Variants in AFAP1L1 observed in about 807,000 individuals in gnomAD.
The protein encoded by AFAP1L1 is actin filament-associated protein 1-like 1.
Under a neutral mutation model 99.8 loss-of-function variants are expected in AFAP1L1, and 77 were observed. That is an observed-to-expected ratio of 0.77 (90% CI 0.64 to 0.93). The LOEUF (loss-of-function observed/expected upper bound fraction) is 0.93. Ranked by LOEUF, AFAP1L1 falls within the 40% of genes least tolerant of loss-of-function variation. The probability of loss-of-function intolerance (pLI) is 0.00; values close to 1 mark genes in which losing one functional copy is unlikely to be tolerated. For missense variants in AFAP1L1, 893 were observed against 996.8 expected (o/e 0.90, Z 1.40); for synonymous variants, 373 against 395.3 (o/e 0.94, Z 0.67).
At chr5:149,299,212 C>T (rs352345) in intron 1 of AFAP1L1, among the ~76,000 whole-genome samples, 61,165 of 152,070 alleles carry the variant, frequency 0.4, 14,387 homozygotes, top group East Asian at 0.79. Context: ...AACCTCTGCT[C>T]GGGGCTGCCT....
At chr5:149,300,869 AC>A (rs1199163385) in intron 3 of AFAP1L1, among the ~76,000 whole-genome samples, 4 of 152,230 alleles carry the variant, frequency 2.6e-5, no homozygotes, top group African/African-American at 9.6e-5. Flanking sequence ...TTATAGCATA[AC>A]CCTCAAAGAT....
At chr5:149,307,811 CCTCTCTTTCTCT>C (rs1387355336) in intron 7 of AFAP1L1, among the ~76,000 whole-genome samples, 198 bp downstream of exon 7, 1 of 21,116 alleles carries the variant, frequency 4.7e-5, no homozygotes, top group African/African-American at 1.5e-4. Flanking sequence ...ACACCCTGTG[CCTCTCTTTCTCT>C]CTCTCTCTCT....
At chr5:149,329,204 A>C (rs1757181237) in intron 15 of AFAP1L1, among the ~76,000 whole-genome samples, 1 of 152,212 alleles carries the variant, frequency 6.6e-6, no homozygotes, top group South Asian at 2.1e-4. Context: ...TTTGCCAGGT[A>C]CTATACTAAG....
chr5:149,297,092 A>G (rs1057389202), intron 1 of AFAP1L1, among the ~76,000 whole-genome samples: 1 of 152,226 alleles, frequency 6.6e-6, no homozygotes, highest in African/African-American at 2.4e-5. Flanking sequence ...GACACAGCCA[A>G]GCCATATCAG....
chr5:149,319,734 G>C lies in AFAP1L1; in HGVS notation c.1625+7G>C. The C allele has an allele frequency of 6.2e-7, 1 of 1,611,190 alleles. No individual in the cohort carries two copies. The highest frequency in any genetic ancestry group is 1.1e-5 in the South Asian group (1 of 90,790). Reference sequence around the variant, plus strand: ...CTGGGCGCAACTCCTTCCTGTAAGTGTCAGCTGCACTGGCCACACCTGCCC... The same window carrying C: ...CTGGGCGCAACTCCTTCCTGTAAGTCTCAGCTGCACTGGCCACACCTGCCC... On this transcript the variant is annotated splice_region_variant and intron_variant, in intron 13 of 18. Coordinates refer to ENST00000296721, the MANE Select transcript of AFAP1L1 (RefSeq NM_152406.4).
intron 1 of AFAP1L1, among the ~76,000 whole-genome samples, chr5:149,273,210 G>A (rs1755191940): frequency 6.7e-6 from 1 of 149,458 alleles, no homozygotes; most frequent in Non-Finnish European, 1.5e-5. Flanking sequence ...TGTGCCAACA[G>A]GCGAAGTGTT....
intron 14 of AFAP1L1, among the ~76,000 whole-genome samples, chr5:149,321,643 C>T (rs891208857): frequency 1.4e-5 from 2 of 142,922 alleles, no homozygotes; most frequent in Admixed American, 7.3e-5. Context: ...GCAGGAGGAT[C>T]GCTTGAACCA....
chr5:149,329,798 G>C lies in AFAP1L1; in HGVS notation c.1943G>C (p.Arg648Thr). The C allele has an allele frequency of 1.2e-6, 2 of 1,613,090 alleles. No individual in the cohort carries two copies. The highest frequency in any genetic ancestry group is 1.7e-6 in the Non-Finnish European group (2 of 1,179,564). Reference protein sequence around the residue: ...TELIALRQEKRELKEAIRSSP... With the variant: ...TELIALRQEKTELKEAIRSSP... ...CTGATAGCACTGAGACAGGAGAAGAGGGAACTGAAGGAAGCCATTCGGAGC... is the reference window on the plus strand; with the variant it reads ...CTGATAGCACTGAGACAGGAGAAGACGGAACTGAAGGAAGCCATTCGGAGC... Residue 648 changes from arginine (R) to threonine (T), a missense_variant, in exon 16 of 19, where the codon AGG becomes ACG. Arg to Thr is a moderately conservative substitution (Grantham distance 71). Transcript: ENST00000296721.
At chr5:149,285,089 C>A (rs1433886266) in intron 1 of AFAP1L1, among the ~76,000 whole-genome samples, 1 of 152,130 alleles carries the variant, frequency 6.6e-6, no homozygotes, top group Admixed American at 6.5e-5. Flanking sequence ...GGAATCACCC[C>A]GGGGTCTCCT....
In AFAP1L1 at chr5:149,322,686, C is replaced by A. The variant is rs766528754; in HGVS notation, c.1779C>A (p.Asp593Glu). Residue 593 changes from aspartate (D) to glutamate (E), a missense_variant, in exon 15 of 19, where the codon GAC becomes GAA. Coordinates refer to ENST00000296721, the MANE Select transcript of AFAP1L1 (RefSeq NM_152406.4). Reference sequence around the variant, plus strand: ...GCAGTGAGAAGTCCCATCGTGTGGACCCGCAGGTCAAAGTCAAACGCCACG... The same window carrying A: ...GCAGTGAGAAGTCCCATCGTGTGGAACCGCAGGTCAAAGTCAAACGCCACG... ...SSCSEKSHRV[D>E]PQVKVKRHAS... 43 of 1,591,960 alleles carry A rather than the reference C, an allele frequency of 2.7e-5. No homozygotes were observed. Among genetic ancestry groups the A allele is most frequent in the Non-Finnish European group, 2.1e-5 (25 of 1,168,334 alleles).
intron 15 of AFAP1L1, among the ~76,000 whole-genome samples, chr5:149,326,790 G>A (rs1341414094): frequency 6.6e-6 from 1 of 152,068 alleles, no homozygotes; most frequent in Non-Finnish European, 1.5e-5. Context: ...TGCTTAACAG[G>A]AGATTAGGAA....
intron 1 of AFAP1L1, among the ~76,000 whole-genome samples, chr5:149,277,039 C>T (rs1395074182): frequency 2.0e-5 from 3 of 152,196 alleles, no homozygotes; most frequent in Admixed American, 2.0e-4. Context: ...CTTCTTGGAT[C>T]ACCATCTCTT....
chr5:149,300,448 C>T, intron 3 of AFAP1L1, 94 bp downstream of exon 3: 1 of 1,100,924 alleles, frequency 9.1e-7, no homozygotes, highest in Non-Finnish European at 1.3e-6. Context: ...TTGGCTCTAA[C>T]ATCGCATCAT....
intron 8 of AFAP1L1, among the ~76,000 whole-genome samples, chr5:149,310,569 G>A (rs1275033186): frequency 6.6e-6 from 1 of 152,212 alleles, no homozygotes; most frequent in Non-Finnish European, 1.5e-5. Flanking sequence ...CAGCTACACA[G>A]AACAATGAGA....
intron 1 of AFAP1L1, among the ~76,000 whole-genome samples, chr5:149,293,335 G>A (rs1693906): frequency 0.041 from 6,238 of 152,298 alleles, 170 homozygotes; most frequent in Non-Finnish European, 0.061. Flanking sequence ...AGAGCTGGGA[G>A]GGGAGCCCAA....
intron 1 of AFAP1L1, among the ~76,000 whole-genome samples, chr5:149,289,822 AG>A (rs1755796806): frequency 6.6e-6 from 1 of 152,244 alleles, no homozygotes; most frequent in Admixed American, 6.5e-5. Context: ...GGACACAGAC[AG>A]AAAAAGCATC....
intron 1 of AFAP1L1, among the ~76,000 whole-genome samples, chr5:149,279,585 G>T (rs11954165): frequency 0.075 from 11,460 of 152,240 alleles, 569 homozygotes; most frequent in African/African-American, 0.13. Context: ...TGCAATTAAG[G>T]ACAGTTATTT....
At chr5:149,316,351 G>A (rs1348866255) in intron 11 of AFAP1L1, 48 bp downstream of exon 11, 28 of 1,581,642 alleles carry the variant, frequency 1.8e-5, no homozygotes, top group South Asian at 8.0e-5. Flanking sequence ...CTGTGTGCGC[G>A]GGCTTTGGGG....
At position 149,310,138 on chromosome 5, in the gene AFAP1L1, G is replaced by T. The variant is rs1343889921; in HGVS notation, c.927+3G>T. The T allele has an allele frequency of 3.8e-6, 6 of 1,588,410 alleles. No individual in the cohort carries two copies. In the Admixed American group the frequency reaches 6.9e-5, roughly 18 times the overall value. On this transcript the variant is annotated splice_donor_region_variant and intron_variant, in intron 8 of 18. Coordinates refer to ENST00000296721, the MANE Select transcript of AFAP1L1 (RefSeq NM_152406.4). ...AGCAGGCCGAGGAGTGGCTGAAGGT[G>T]CGTGGCCTGCACCTGACCTTCCCGC...
Sources: gnomAD v4.1 joint callset for allele counts (sites outside exome capture counted in the v4.1 genomes callset) on GRCh38, gnomAD v4.1.1 for gene constraint, MANE v1.5 for transcripts, NCBI Gene and HGNC (gene_info 2026-07-23, HGNC 2026-07-21) for gene names.